The following SRD5A2 variants were observed in gnomAD, a reference collection of about 807,000 sequenced individuals.
SRD5A2 encodes steroid 5 alpha-reductase 2, also known as 3-oxo-5-alpha-steroid 4-dehydrogenase 2.
Under a neutral mutation model 27.4 loss-of-function variants are expected in SRD5A2, and 30 were observed. The observed-to-expected ratio is 1.10, with a 90% CI of 0.82 to 1.49. SRD5A2 has a LOEUF of 1.49. Among genes scored for constraint, SRD5A2 ranks in the 40% most tolerant of loss-of-function variants. The probability of loss-of-function intolerance (pLI) is 0.00; values close to 1 mark genes in which losing one functional copy is unlikely to be tolerated. For missense variants in SRD5A2, 348 were observed against 323.4 expected (o/e 1.08, Z -0.58); for synonymous variants, 141 against 133.6 (o/e 1.06, Z -0.38).
intron 1 of SRD5A2, among the ~76,000 whole-genome samples, chr2:31,578,140 C>A (rs902257871): frequency 1.3e-5 from 2 of 151,952 alleles, no homozygotes; most frequent in Non-Finnish European, 2.9e-5. Context: ...GATAGAAATT[C>A]TCTAAAACAT....
At chr2:31,662,462 G>T in the SRD5A2 span, among the ~76,000 whole-genome samples, 2 of 152,046 alleles carry the variant, frequency 1.3e-5, no homozygotes, top group Non-Finnish European at 2.9e-5. Context: ...GGGACTACAG[G>T]TGTGCACCAC....
At position 31,525,711 on chromosome 2, in the gene SRD5A2, T is replaced by C. The variant is rs1481253154; in HGVS notation, c.*485A>G. On this transcript the variant is annotated 3_prime_UTR_variant, in exon 5 of 5. Transcript: ENST00000622030. ...AGGAAGCCATGACTGGGGTTTTCAT[T>C]TGGGAGTGGGTTTGCTCTGGGTCTT... 1.7e-5 allele frequency: 4 copies of C among 228,572 alleles called. No homozygotes were observed. Among genetic ancestry groups the C allele is most frequent in the African/African-American group, 8.9e-5 (4 of 45,066 alleles). 14.2% of individuals were successfully genotyped at this position (228,572 alleles called of 1,614,324 possible). A position where few individuals can be genotyped will look rare whatever the true frequency, so the allele number is the denominator to read the frequency against.
chr2:31,542,044 G>A (rs1666139296), intron 1 of SRD5A2, among the ~76,000 whole-genome samples: 1 of 152,200 alleles, frequency 6.6e-6, no homozygotes, highest in South Asian at 2.1e-4. Context: ...AAGTCCTAGT[G>A]CTGTGCTGGG....
At chr2:31,609,064 G>A in the SRD5A2 span, among the ~76,000 whole-genome samples, 1 of 152,034 alleles carries the variant, frequency 6.6e-6, no homozygotes, top group African/African-American at 2.4e-5. Context: ...ATCGCCATCT[G>A]CAACCCAAGA....
chr2:31,586,546 A>C, the SRD5A2 span, among the ~76,000 whole-genome samples: 1 of 142,070 alleles, frequency 7.0e-6, no homozygotes, highest in Non-Finnish European at 1.5e-5. Flanking sequence ...GGTGTCTCAG[A>C]ACTGACAGAG....
intron 1 of SRD5A2, among the ~76,000 whole-genome samples, chr2:31,575,265 G>A (rs535077042): frequency 2.0e-5 from 3 of 152,258 alleles, no homozygotes; most frequent in East Asian, 3.9e-4. Flanking sequence ...TGCACCTCTC[G>A]TGAAATAAGA....
At chr2:31,528,996 G>C (rs964367799) in intron 4 of SRD5A2, among the ~76,000 whole-genome samples, 2 of 152,210 alleles carry the variant, frequency 1.3e-5, no homozygotes, top group African/African-American at 2.4e-5. Flanking sequence ...AAGGTGCAAG[G>C]CACTTCTCGC....
the SRD5A2 span, among the ~76,000 whole-genome samples, chr2:31,591,887 T>C: frequency 3.9e-5 from 5 of 127,950 alleles, no homozygotes; most frequent in Admixed American, 2.8e-4. Context: ...AATTGAACAA[T>C]GAGAACACAT....
At chr2:31,608,424 G>C in the SRD5A2 span, among the ~76,000 whole-genome samples, 2 of 149,108 alleles carry the variant, frequency 1.3e-5, no homozygotes, top group African/African-American at 4.9e-5. Context: ...TACAAAACGG[G>C]GGCAGGAAAG....
chr2:31,611,219 A>G, the SRD5A2 span, among the ~76,000 whole-genome samples: 1 of 152,178 alleles, frequency 6.6e-6, no homozygotes, highest in African/African-American at 2.4e-5. Context: ...AGATGACATC[A>G]AAGGGAACAC....
intron 4 of SRD5A2, among the ~76,000 whole-genome samples, chr2:31,528,049 C>T (rs1425021960): frequency 6.6e-6 from 1 of 152,164 alleles, no homozygotes; most frequent in Non-Finnish European, 1.5e-5. Context: ...TAATATATTA[C>T]CTTTCACTTC....
the SRD5A2 span, among the ~76,000 whole-genome samples, chr2:31,624,051 G>T: frequency 6.6e-6 from 1 of 152,028 alleles, no homozygotes; most frequent in African/African-American, 2.4e-5. Flanking sequence ...TAAGGATATT[G>T]GCCTGAAATT....
At chr2:31,571,797 G>A (rs971028689) in intron 1 of SRD5A2, among the ~76,000 whole-genome samples, 1 of 152,182 alleles carries the variant, frequency 6.6e-6, no homozygotes, top group Admixed American at 6.5e-5. Flanking sequence ...TTAGAGAAAT[G>A]CAAATCAAAA....
chr2:31,653,825 A>G, the SRD5A2 span, among the ~76,000 whole-genome samples: 2 of 152,000 alleles, frequency 1.3e-5, no homozygotes, highest in African/African-American at 4.8e-5. Context: ...ATGCCCAGCT[A>G]ATTTTTGTAT....
the SRD5A2 span, among the ~76,000 whole-genome samples, chr2:31,606,319 C>T: frequency 6.6e-6 from 1 of 151,936 alleles, no homozygotes; most frequent in South Asian, 2.1e-4. Context: ...TAACACAAGG[C>T]ATAAATGCTT....
chr2:31,588,959 T>A, the SRD5A2 span, among the ~76,000 whole-genome samples: 1 of 152,240 alleles, frequency 6.6e-6, no homozygotes, highest in East Asian at 1.9e-4. Context: ...CATGGGAACA[T>A]ACCAGGAAAA....
the SRD5A2 span, among the ~76,000 whole-genome samples, chr2:31,605,350 A>G: frequency 6.6e-6 from 1 of 151,974 alleles, no homozygotes; most frequent in East Asian, 1.9e-4. Flanking sequence ...AGCAGAGTGA[A>G]GAGACAACCC....
the SRD5A2 span, among the ~76,000 whole-genome samples, chr2:31,616,150 G>C: frequency 6.6e-6 from 1 of 152,212 alleles, no homozygotes; most frequent in South Asian, 2.1e-4. Context: ...CTAGATCTCA[G>C]AGGATGTAGG....
chr2:31,652,346 C>T, the SRD5A2 span, among the ~76,000 whole-genome samples: 1 of 152,112 alleles, frequency 6.6e-6, no homozygotes, highest in Non-Finnish European at 1.5e-5. Flanking sequence ...TTTAACTTGG[C>T]CAACTGGTGA....
Sources: gnomAD v4.1 joint callset for allele counts (sites outside exome capture counted in the v4.1 genomes callset) on GRCh38, gnomAD v4.1.1 for gene constraint, MANE v1.5 for transcripts, NCBI Gene and HGNC (gene_info 2026-07-23, HGNC 2026-07-21) for gene names.